The following RBMS3 variants were observed in gnomAD, a reference collection of about 807,000 sequenced individuals.
RBMS3 encodes the protein RNA-binding motif, single-stranded-interacting protein 3.
A neutral mutation model predicts 66.8 loss-of-function variants in RBMS3; 27 were observed. That is an observed-to-expected ratio of 0.40 (90% CI 0.30 to 0.56). RBMS3 has a LOEUF of 0.56. Ranked by LOEUF, RBMS3 falls within the 20% of genes least tolerant of loss-of-function variation. RBMS3 has a pLI of 0.40. For synonymous variants in RBMS3, 188 were observed against 183.0 expected (o/e 1.03, Z -0.22); for missense variants, 513 against 549.5 (o/e 0.93, Z 0.66).
intron 10 of RBMS3, among the ~76,000 whole-genome samples, chr3:29,914,031 A>G (rs2149638372): frequency 6.6e-6 from 1 of 152,106 alleles, no homozygotes. Flanking sequence ...CTGTCCATAT[A>G]TGCTGAAAGC....
chr3:29,360,210 T>A (rs1325281416), intron 1 of RBMS3, among the ~76,000 whole-genome samples: 1 of 152,116 alleles, frequency 6.6e-6, no homozygotes, highest in African/African-American at 2.4e-5. Flanking sequence ...CTCTACACAC[T>A]GCTTTAAATG....
In RBMS3 at chr3:29,604,830, A is replaced by G. The variant is rs116298178; in HGVS notation, c.399+17625A>G. Among the ~76,000 whole-genome samples the G allele has an allele frequency of 2.9e-3, 445 of 152,010 alleles. 2 individuals carry two copies. Among genetic ancestry groups the G allele is most frequent in the African/African-American group, 0.01 (433 of 41,500 alleles). On this transcript the variant is annotated intron_variant, in intron 4 of 14. Transcript: ENST00000383767. ...AGTGATCATTAGTTTTCCTCCAGGG[A>G]TAGACTACTAGAAGAGTGGAAATTT...
At chr3:29,884,350 T>G (rs2059808264) in intron 8 of RBMS3, 142 bp downstream of exon 8, 4 of 744,340 alleles carry the variant, frequency 5.4e-6, no homozygotes, top group Non-Finnish European at 8.5e-6. Flanking sequence ...TTTTCATCAT[T>G]ATAGTTTTTT....
chr3:29,678,386 A>G (rs1021699947), intron 4 of RBMS3, among the ~76,000 whole-genome samples: 1 of 152,176 alleles, frequency 6.6e-6, no homozygotes, highest in Admixed American at 6.5e-5. Flanking sequence ...TACACCAAAC[A>G]GTAAAGAAAA....
At chr3:29,369,487 AACACACACAC>A (rs59274434) in intron 1 of RBMS3, among the ~76,000 whole-genome samples, 29,317 of 135,172 alleles carry the variant, frequency 0.22, 3,144 homozygotes, top group Middle Eastern at 0.29. Context: ...ATCACTCCTT[AACACACACAC>A]ACACACACAC....
At chr3:29,300,309 C>T (rs902793993) in intron 1 of RBMS3, among the ~76,000 whole-genome samples, 3 of 151,876 alleles carry the variant, frequency 2.0e-5, no homozygotes, top group Admixed American at 6.6e-5. Context: ...TATAGCAAAA[C>T]CAATTCTAGA....
chr3:29,605,062 A>G (rs544194857), intron 4 of RBMS3, among the ~76,000 whole-genome samples: 10 of 152,046 alleles, frequency 6.6e-5, no homozygotes, highest in African/African-American at 2.2e-4. Context: ...CTTGCATTGA[A>G]TATTATGGTT....
chr3:29,525,482 A>T (rs2045057613), intron 3 of RBMS3, among the ~76,000 whole-genome samples: 1 of 152,170 alleles, frequency 6.6e-6, no homozygotes, highest in Non-Finnish European at 1.5e-5. Context: ...GTTTGCACAG[A>T]ATAGGGAGCA....
chr3:29,608,048 C>T (rs1023746671), intron 4 of RBMS3, among the ~76,000 whole-genome samples: 6 of 151,848 alleles, frequency 4.0e-5, no homozygotes, highest in Non-Finnish European at 1.5e-5. Context: ...ATTTATTCTA[C>T]TATGAATCTT....
chr3:29,322,531 A>G (rs921988478), intron 1 of RBMS3, among the ~76,000 whole-genome samples: 3 of 152,108 alleles, frequency 2.0e-5, no homozygotes, highest in Admixed American at 6.6e-5. Context: ...GTTAAAAATC[A>G]TAAAATCTTA....
At chr3:29,523,376 C>T (rs2044943757) in intron 3 of RBMS3, among the ~76,000 whole-genome samples, 2 of 151,990 alleles carry the variant, frequency 1.3e-5, no homozygotes, top group African/African-American at 4.8e-5. Flanking sequence ...GTGTGTTTTC[C>T]AAACTGTTCT....
At chr3:29,886,440 G>C (rs9817215) in intron 8 of RBMS3, among the ~76,000 whole-genome samples, 6,753 of 151,808 alleles carry the variant, frequency 0.044, 503 homozygotes, top group African/African-American at 0.15. Context: ...TAGGACAAAG[G>C]GAAGGCTATA....
At chr3:29,453,172 A>G (rs964432352) in intron 2 of RBMS3, among the ~76,000 whole-genome samples, 1 of 152,158 alleles carries the variant, frequency 6.6e-6, no homozygotes, top group Admixed American at 6.5e-5. Flanking sequence ...CTAATCTCAA[A>G]TGTTTGACTT....
At chr3:29,853,605 T>C (rs2058997110) in intron 6 of RBMS3, among the ~76,000 whole-genome samples, 1 of 151,940 alleles carries the variant, frequency 6.6e-6, no homozygotes, top group Non-Finnish European at 1.5e-5. Flanking sequence ...CTTCTTTACT[T>C]CCTGTTTTTC....
rs1699880762 is a variant in RBMS3 at position 30,008,929 on chromosome 3, C to T, written c.*5067C>T. 6.6e-6 allele frequency: 1 copy of T among 151,994 alleles called. No homozygotes were observed. Among genetic ancestry groups the T allele is most frequent in the African/African-American group, 2.4e-5 (1 of 41,380 alleles). 9.4% of individuals were successfully genotyped at this position (151,994 alleles called of 1,614,324 possible). A position where few individuals can be genotyped will look rare whatever the true frequency, so the allele number is the denominator to read the frequency against. ...TATGATGTGAGAGACAAGAGTTCAC[C>T]CCAGATTAATTTCTTTTATCATTGG... On this transcript the variant is annotated 3_prime_UTR_variant, in exon 15 of 15. Coordinates refer to ENST00000383767, the MANE Select transcript of RBMS3 (RefSeq NM_001003793.3).
intron 10 of RBMS3, among the ~76,000 whole-genome samples, chr3:29,919,142 G>A (rs2060708193): frequency 6.6e-6 from 1 of 152,064 alleles, no homozygotes; most frequent in African/African-American, 2.4e-5. Flanking sequence ...CTGCATTTAT[G>A]TAATGGCATT....
At chr3:29,294,068 C>T (rs2033048234) in intron 1 of RBMS3, among the ~76,000 whole-genome samples, 1 of 151,754 alleles carries the variant, frequency 6.6e-6, no homozygotes, top group Admixed American at 6.6e-5. Context: ...ACTGGGACCA[C>T]AGTTTTGATC....
chr3:29,388,084 GACACACACACACAC>G (rs55679426), intron 1 of RBMS3, among the ~76,000 whole-genome samples: 1 of 146,968 alleles, frequency 6.8e-6, no homozygotes, highest in Admixed American at 6.7e-5. Context: ...CACACACACA[GACACACACACACAC>G]ACACACACAC....
chr3:29,928,780 A>G (rs1042358540), intron 10 of RBMS3, among the ~76,000 whole-genome samples: 1 of 122,756 alleles, frequency 8.1e-6, no homozygotes. Flanking sequence ...GAACCAGGCT[A>G]CTGGTCACTT....
Sources: gnomAD v4.1 joint callset for allele counts (sites outside exome capture counted in the v4.1 genomes callset) on GRCh38, gnomAD v4.1.1 for gene constraint, MANE v1.5 for transcripts, NCBI Gene and HGNC (gene_info 2026-07-23, HGNC 2026-07-21) for gene names.